Variants in TSC1 observed in about 807,000 individuals in gnomAD.
The protein encoded by TSC1 is hamartin.
Under a neutral mutation model 124.3 loss-of-function variants are expected in TSC1, and 20 were observed. The observed-to-expected ratio is 0.16, with a 90% CI of 0.11 to 0.23. The LOEUF is 0.23. Among genes scored for constraint, TSC1 ranks in the 10% least tolerant of loss-of-function variants. The probability of loss-of-function intolerance (pLI) is 1.00; values close to 1 mark genes in which losing one functional copy is unlikely to be tolerated. For missense variants in TSC1, 1,124 were observed against 1,448.5 expected, an observed-to-expected ratio of 0.78 and a Z score of 3.64; for synonymous variants, 493 against 539.1, an observed-to-expected ratio of 0.91 and a Z score of 1.19.
In TSC1 at chr9:132,906,011, C is replaced by G. The variant is rs118203548; in HGVS notation, c.1567G>C (p.Ala523Pro). 23 of 1,614,066 alleles carry G rather than the reference C, an allele frequency of 1.4e-5. No individual in the cohort carries two copies. The African/African-American group carries it at 2.1e-4, about 15-fold the overall frequency. The change falls in exon 15 of 23, where the codon GCC becomes CCC. Residue 523 changes from alanine to proline, a missense_variant. Transcript: ENST00000298552. The surrounding 1 kb of genome is among the most constrained non-coding windows in gnomAD (Gnocchi z 4.1). ...PGSQRKTHSAASSSQGASVNP... is the reference protein window; with the variant it reads ...PGSQRKTHSAPSSSQGASVNP... Reference sequence around the variant, plus strand: ...ACGCTGGCGCCCTGAGAACTGGAGGCTGCCGAGTGGGTCTTCCGCTGAGAA... The same window carrying G: ...ACGCTGGCGCCCTGAGAACTGGAGGGTGCCGAGTGGGTCTTCCGCTGAGAA...
intron 2 of TSC1, among the ~76,000 whole-genome samples, chr9:132,933,728 A>G (rs1427453073): frequency 1.3e-5 from 2 of 152,230 alleles, no homozygotes; most frequent in African/African-American, 4.8e-5. Context: ...TAAAATTCCA[A>G]ACTTCTAAAA....
chr9:132,939,790 T>C (rs1463454457), intron 1 of TSC1, among the ~76,000 whole-genome samples: 1 of 152,186 alleles, frequency 6.6e-6, no homozygotes, highest in Non-Finnish European at 1.5e-5. Flanking sequence ...TATAGTTTGA[T>C]AGTCTAGGGC....
At chr9:132,932,907 G>A (rs1459064296) in intron 2 of TSC1, among the ~76,000 whole-genome samples, 3 of 152,160 alleles carry the variant, frequency 2.0e-5, no homozygotes, top group African/African-American at 7.2e-5. Flanking sequence ...TAATTCATGA[G>A]AAACCTTGAA....
chr9:132,927,431 T>C, intron 3 of TSC1, 127 bp from the exon 4 acceptor site: 1 of 839,308 alleles, frequency 1.2e-6, no homozygotes, highest in Non-Finnish European at 2.0e-6. Flanking sequence ...TTGTGCAGCA[T>C]TACAGTTCTG....
chr9:132,905,626 C>T lies in TSC1; in HGVS notation c.1952G>A (p.Arg651Lys), dbSNP rs2131810356. The T allele has an allele frequency of 6.2e-7, 1 of 1,614,248 alleles. No individual in the cohort carries two copies. Among genetic ancestry groups the T allele is most frequent in the Non-Finnish European group, 8.5e-7 (1 of 1,180,044 alleles). Residue 651 changes from arginine to lysine, a missense_variant, in exon 15 of 23, where the codon AGA (arginine) becomes AAA (lysine). By Grantham distance (26) the Arg-to-Lys change is conservative. This residue lies in a region of TSC1 where 321 missense variants were observed against 397.4 expected (regional missense o/e 0.81). Transcript: ENST00000298552. ...CGCGTCTGCTCCCTGCTGTATCAGT[C>T]TGTCCAGCACTTCCATTGGGGAGGT... Reference protein sequence around the residue: ...PSTSPMEVLDRLIQQGADAHS... With the variant: ...PSTSPMEVLDKLIQQGADAHS...
intron 11 of TSC1, 57 bp downstream of exon 11, chr9:132,910,945 C>T: frequency 6.6e-7 from 1 of 1,506,638 alleles, no homozygotes; most frequent in African/African-American, 1.4e-5. Flanking sequence ...AGAGCTCCTC[C>T]TGCCATTAAA....
rs1846533932 is a variant in TSC1, at chr9:132,921,240, AG to A, written c.737+122del. 1.9e-6 allele frequency: 2 copies of A among 1,039,622 alleles called. No individual in the cohort carries two copies. The highest frequency in any genetic ancestry group is 2.9e-6 in the Non-Finnish European group (2 of 683,476). 64.4% of individuals were successfully genotyped at this position (1,039,622 alleles called of 1,614,324 possible). A position where few individuals can be genotyped will look rare whatever the true frequency, so the allele number is the denominator to read the frequency against. On this transcript the variant is annotated intron_variant, in intron 8 of 22. Coordinates refer to ENST00000298552, the MANE Select transcript of TSC1 (RefSeq NM_000368.5). The surrounding 1 kb of genome is among the most constrained non-coding windows in gnomAD (Gnocchi z 4.3). Reference sequence around the variant, plus strand: ...AATTTTAGCTGTATGAGTGCTTCCAAGTGGACTGATTCTGTAAGTAGAACAT... The same window carrying A: ...AATTTTAGCTGTATGAGTGCTTCCAATGGACTGATTCTGTAAGTAGAACAT...
At chr9:132,938,016 A>G (rs1847552983) in intron 1 of TSC1, among the ~76,000 whole-genome samples, 1 of 152,200 alleles carries the variant, frequency 6.6e-6, no homozygotes, top group African/African-American at 2.4e-5. Flanking sequence ...ACCCCCTGCC[A>G]AGCAGAGTGT....
At chr9:132,901,563 T>C (rs748222430) in intron 19 of TSC1, 26 bp downstream of exon 19, 1 of 1,581,064 alleles carries the variant, frequency 6.3e-7, no homozygotes, top group East Asian at 2.2e-5. Context: ...TTTCAGCAGA[T>C]TCAGGTCTGC....
chr9:132,914,238 T>A (rs1304699809), intron 8 of TSC1, among the ~76,000 whole-genome samples: 1 of 152,160 alleles, frequency 6.6e-6, no homozygotes, highest in Non-Finnish European at 1.5e-5. Flanking sequence ...TCCTGTTATG[T>A]GATCCATGGT....
intron 4 of TSC1, 199 bp from the exon 5 acceptor site, chr9:132,925,938 C>A: frequency 1.5e-6 from 1 of 673,068 alleles, no homozygotes; most frequent in Non-Finnish European, 2.5e-6. Context: ...TGACAAAAGG[C>A]AGCCAGTTTG....
rs796053456 is a variant in TSC1 at position 132,912,297 on chromosome 9, T to C, written c.898A>G (p.Thr300Ala). 5.0e-6 allele frequency: 8 copies of C among 1,614,212 alleles called. No individual in the cohort carries two copies. The highest frequency in any genetic ancestry group is 6.8e-6 in the Non-Finnish European group (8 of 1,180,022). The change falls in exon 9 of 23, where the codon ACA (threonine) becomes GCA (alanine). Residue 300 changes from threonine (T) to alanine (A), a missense_variant. Around this residue, in one of 5 missense-constraint regions of TSC1, gnomAD observed 463 missense variants for 606.8 expected, o/e 0.76. Coordinates refer to ENST00000298552, the MANE Select transcript of TSC1 (RefSeq NM_000368.5). ...CACTTTTTACCATAGCTATTCTGTG[T>C]GTCAGCATAAGGGCTGGTGGTGACA... The part of the protein sequence containing the change: ...ADVTTSPYAD[T>A]QNSYGCATST...
chr9:132,933,951 T>TC (rs1319739356), intron 2 of TSC1, among the ~76,000 whole-genome samples: 1 of 152,066 alleles, frequency 6.6e-6, no homozygotes, highest in Non-Finnish European at 1.5e-5. Flanking sequence ...ACAAAAACAC[T>TC]GAAAATGAAA....
In TSC1 at chr9:132,895,269, T is replaced by A. The variant is rs953026524; in HGVS notation, c.*966A>T. ...AGAGCCTTTCTGCTGCAGTGTCACA[T>A]ATAAGCTGACATGAACAAGAGGCGT... On this transcript the variant is annotated 3_prime_UTR_variant, in exon 23 of 23. Coordinates refer to ENST00000298552, the MANE Select transcript of TSC1 (RefSeq NM_000368.5). The A allele has an allele frequency of 4.3e-6, 1 of 233,270 alleles. No individual in the cohort carries two copies. The highest frequency in any genetic ancestry group is 6.0e-5 in the East Asian group (1 of 16,572). The allele number at this position is 233,270 out of a possible 1,614,324, so 14.5% of individuals were successfully genotyped here.
intron 12 of TSC1, chr9:132,910,283 A>G (rs1002090290): frequency 3.2e-4 from 192 of 600,662 alleles, no homozygotes; most frequent in Non-Finnish European, 4.5e-4. Flanking sequence ...CCTGGGCGAC[A>G]GAGCAAGACC....
intron 20 of TSC1, 123 bp downstream of exon 20, chr9:132,900,592 G>C: frequency 1.3e-6 from 2 of 1,516,958 alleles, no homozygotes; most frequent in Non-Finnish European, 9.1e-7. Context: ...CGGAGTAGTG[G>C]GACTGCCGCT....
intron 15 of TSC1, among the ~76,000 whole-genome samples, chr9:132,904,794 A>G (rs1845571634): frequency 6.6e-6 from 1 of 152,232 alleles, no homozygotes; most frequent in Admixed American, 6.5e-5. Flanking sequence ...TGAGTAGTCA[A>G]ACACACTGAG....
intron 1 of TSC1, among the ~76,000 whole-genome samples, chr9:132,942,738 G>C (rs1847805913): frequency 6.6e-6 from 1 of 152,182 alleles, no homozygotes; most frequent in South Asian, 2.1e-4. Context: ...GCCCTTCTAG[G>C]CACGTGATAT....
chr9:132,906,612 T>A lies in TSC1; in HGVS notation c.1438+119A>T. 5 of 800,154 alleles carry A rather than the reference T, an allele frequency of 6.2e-6. No individual in the cohort carries two copies. Among genetic ancestry groups the A allele is most frequent in the Middle Eastern group, 3.0e-4 (1 of 3,358 alleles). The allele number at this position is 800,154 out of a possible 1,614,324, so 49.6% of individuals were successfully genotyped here. On this transcript the variant is annotated intron_variant, in intron 14 of 22. Transcript: ENST00000298552. This position sits in a 1 kb window ranked among gnomAD's most constrained non-coding sequence, Gnocchi z 4.1. ...CATAGGTCCCAGACTAAACCACCCA[T>A]CTTGTTACCTCAAGAGAAGAAAAAT...
Sources: gnomAD v4.1 joint callset for allele counts (sites outside exome capture counted in the v4.1 genomes callset) on GRCh38, gnomAD v4.1.1 for gene constraint, gnomAD v4.1.1 regional missense constraint, Gnocchi (gnomAD v3.1) non-coding constraint, MANE v1.5 for transcripts, NCBI Gene and HGNC (gene_info 2026-07-23, HGNC 2026-07-21) for gene names.